The following ADAMTSL1 variants were observed in gnomAD, a reference collection of about 807,000 sequenced individuals.
ADAMTSL1 encodes the protein ADAMTS-like protein 1.
Under a neutral mutation model 201.8 loss-of-function variants are expected in ADAMTSL1, and 126 were observed. The ratio of observed to expected loss-of-function variants is 0.62; its 90% CI spans 0.54 to 0.72. ADAMTSL1 has a LOEUF of 0.72. ADAMTSL1 is among the 30% of genes least tolerant of loss of function. The pLI is 0.00. For missense variants in ADAMTSL1, 2,679 were observed against 2,277.8 expected (o/e 1.18, Z -3.59); for synonymous variants, 1,121 against 903.4 (o/e 1.24, Z -4.32).
In ADAMTSL1 at chr9:18,124,269, G is replaced by C. The variant is rs150504390; in HGVS notation, c.88-39593G>C. Among the ~76,000 whole-genome samples the C allele has an allele frequency of 4.8e-3, 724 of 151,840 alleles. 7 individuals are homozygous for C. Among genetic ancestry groups the C allele is most frequent in the South Asian group, 0.028 (136 of 4,794 alleles). On this transcript the variant is annotated intron_variant, in intron 1 of 29. Coordinates refer to the ADAMTSL1 transcript ENST00000680146. ...GGCTAATTTTTGTATTTTTAGTAGA[G>C]ACGGGGTTTCACCATGTTGGCCAGG...
At chr9:18,435,422 C>A (rs1819683169) in intron 2 of ADAMTSL1, among the ~76,000 whole-genome samples, 2 of 152,246 alleles carry the variant, frequency 1.3e-5, no homozygotes, top group Admixed American at 6.5e-5. Context: ...ATGGGGAAAC[C>A]AGAATTGTTC....
At chr9:18,740,478 C>CTTTTTTTTTTTTTTTTTTTTTTTTT (rs11449360) in intron 15 of ADAMTSL1, among the ~76,000 whole-genome samples, 3 of 105,678 alleles carry the variant, frequency 2.8e-5, no homozygotes, top group African/African-American at 1.1e-4. Context: ...TTTCTTTTAT[C>CTTTTTTTTTTTTTTTTTTTTTTTTT]TTTTTTTTTT....
intron 1 of ADAMTSL1, among the ~76,000 whole-genome samples, chr9:17,981,329 C>G (rs1389357033): frequency 6.6e-6 from 1 of 152,192 alleles, no homozygotes; most frequent in Non-Finnish European, 1.5e-5. Flanking sequence ...CTGAGTAGAA[C>G]AGTCACCTTT....
intron 1 of ADAMTSL1, among the ~76,000 whole-genome samples, chr9:17,930,015 CTG>C (rs1826713409): frequency 6.6e-6 from 1 of 152,108 alleles, no homozygotes; most frequent in African/African-American, 2.4e-5. Flanking sequence ...GTGAATAAAA[CTG>C]TCTTGGGATT....
chr9:18,640,897 T>C (rs905841688), intron 7 of ADAMTSL1, among the ~76,000 whole-genome samples: 1 of 152,062 alleles, frequency 6.6e-6, no homozygotes, highest in African/African-American at 2.4e-5. Flanking sequence ...TTGCCTATGT[T>C]ACCTTCAGAG....
intron 1 of ADAMTSL1, among the ~76,000 whole-genome samples, chr9:18,145,813 G>A (rs1826613782): frequency 6.6e-6 from 1 of 152,134 alleles, no homozygotes; most frequent in Non-Finnish European, 1.5e-5. Flanking sequence ...AAAAAGACAA[G>A]CCCATAGAAT....
chr9:18,206,708 A>G (rs1290185216), intron 2 of ADAMTSL1, among the ~76,000 whole-genome samples: 1 of 152,128 alleles, frequency 6.6e-6, no homozygotes, highest in African/African-American at 2.4e-5. Flanking sequence ...CTTCTTTGAG[A>G]ATATGAATTC....
intron 2 of ADAMTSL1, among the ~76,000 whole-genome samples, chr9:18,389,045 G>A (rs964401423): frequency 6.6e-6 from 1 of 152,080 alleles, no homozygotes; most frequent in East Asian, 1.9e-4. Context: ...GTGAGCCACT[G>A]CAACCAGTCC....
At chr9:18,879,183 A>G (rs1828368280) in intron 23 of ADAMTSL1, among the ~76,000 whole-genome samples, 1 of 152,200 alleles carries the variant, frequency 6.6e-6, no homozygotes, top group African/African-American at 2.4e-5. Flanking sequence ...GTGAGAATGA[A>G]TTTGAGATGA....
intron 15 of ADAMTSL1, among the ~76,000 whole-genome samples, chr9:18,748,805 C>T (rs1460321556): frequency 2.0e-5 from 3 of 152,158 alleles, no homozygotes; most frequent in Non-Finnish European, 2.9e-5. Flanking sequence ...TATCAAAGTA[C>T]CACAAACCAG....
chr9:18,527,888 C>T (rs968806781), intron 2 of ADAMTSL1, among the ~76,000 whole-genome samples: 1 of 152,006 alleles, frequency 6.6e-6, no homozygotes, highest in Non-Finnish European at 1.5e-5. Flanking sequence ...ATTCCACCCG[C>T]CCCCCTCAAG....
At chr9:18,502,137 A>C (rs1170656004) in intron 1 of ADAMTSL1, among the ~76,000 whole-genome samples, 2 of 152,240 alleles carry the variant, frequency 1.3e-5, no homozygotes, top group African/African-American at 4.8e-5. Flanking sequence ...ATGAAAATGC[A>C]TTCTGCATGT....
chr9:18,586,678 T>C (rs904624883), intron 4 of ADAMTSL1, among the ~76,000 whole-genome samples: 5 of 152,064 alleles, frequency 3.3e-5, no homozygotes, highest in East Asian at 1.9e-4. Flanking sequence ...ATGCATCACA[T>C]TACCTGACTT....
chr9:18,710,070 A>T (rs1455509340), intron 14 of ADAMTSL1, among the ~76,000 whole-genome samples: 1 of 152,128 alleles, frequency 6.6e-6, no homozygotes, highest in African/African-American at 2.4e-5. Flanking sequence ...CCTGCCTCCC[A>T]TGGGCCAACT....
intron 2 of ADAMTSL1, among the ~76,000 whole-genome samples, chr9:18,360,387 T>G (rs1836464741): frequency 6.6e-6 from 1 of 152,178 alleles, no homozygotes; most frequent in African/African-American, 2.4e-5. Context: ...AAAACTGGGC[T>G]CCAGTTCTGG....
chr9:18,069,938 T>C (rs1439957956), intron 1 of ADAMTSL1, among the ~76,000 whole-genome samples: 3 of 152,192 alleles, frequency 2.0e-5, no homozygotes, highest in Non-Finnish European at 4.4e-5. Context: ...GGTGGAAACA[T>C]TGGAGCCTAT....
intron 2 of ADAMTSL1, among the ~76,000 whole-genome samples, chr9:18,238,455 T>C (rs1413561877): frequency 1.3e-5 from 2 of 151,408 alleles, no homozygotes; most frequent in South Asian, 2.1e-4. Flanking sequence ...GGGTGAGAGG[T>C]TGGGGGTCAT....
chr9:18,674,322 G>A (rs111448351), intron 9 of ADAMTSL1, among the ~76,000 whole-genome samples: 4,060 of 151,994 alleles, frequency 0.027, 73 homozygotes, highest in Middle Eastern at 0.048. Flanking sequence ...AAATAAGTTA[G>A]TACTCCAATG....
chr9:18,727,333 A>G (rs1817950832), intron 15 of ADAMTSL1, among the ~76,000 whole-genome samples: 1 of 152,236 alleles, frequency 6.6e-6, no homozygotes, highest in Non-Finnish European at 1.5e-5. Context: ...CTCTGTCCAC[A>G]CTAACTTTTA....
Sources: allele counts gnomAD v4.1 joint callset (sites outside exome capture counted in the v4.1 genomes callset), GRCh38; gene constraint gnomAD v4.1.1; transcripts MANE v1.5; gene names NCBI Gene and HGNC (gene_info 2026-07-23, HGNC 2026-07-21).